The following SFPQ variants were observed in gnomAD, a reference collection of about 807,000 sequenced individuals.
SFPQ encodes splicing factor, proline- and glutamine-rich.
SFPQ carries 11 observed loss-of-function variants against 72.9 expected under a neutral mutation model. The ratio of observed to expected loss-of-function variants is 0.15; its 90% CI spans 0.09 to 0.25. The LOEUF (loss-of-function observed/expected upper bound fraction) is 0.25, where lower values mean the gene tolerates loss of function less well. Among genes scored for constraint, SFPQ ranks in the 10% least tolerant of loss-of-function variants. The pLI, the probability that SFPQ is intolerant of heterozygous loss-of-function variation, is 1.00. For missense variants in SFPQ, 847 were observed against 993.3 expected (o/e 0.85, Z 1.98); for synonymous variants, 506 against 367.3 (o/e 1.38, Z -4.32).
downstream of SFPQ, chr1:35,179,317 G>A: frequency 2.8e-6 from 3 of 1,058,978 alleles, no homozygotes; most frequent in South Asian, 9.1e-5. Context: ...GGAAAAGTGA[G>A]ACTATTATGC....
Position 35,183,610 on chromosome 1 carries a change from A to AC in SFPQ, c.*845dup. On this transcript the variant is annotated 3_prime_UTR_variant, in exon 10 of 10. Transcript: ENST00000357214. Reference sequence around the variant, plus strand: ...AATACATGAAAAGACTTCATGTTTAACATCTTTAATTCAAATGTAAAAGTT... The same window carrying AC: ...AATACATGAAAAGACTTCATGTTTAACCATCTTTAATTCAAATGTAAAAGTT... 6 of 1,028,784 alleles carry AC rather than the reference A, an allele frequency of 5.8e-6. No individual in the cohort carries two copies. The highest frequency in any genetic ancestry group is 5.8e-6 in the Non-Finnish European group (5 of 855,748). The allele number at this position is 1,028,784 out of a possible 1,614,324, so 63.7% of individuals were successfully genotyped here.
downstream of SFPQ, chr1:35,181,362 T>C (rs1639456791): frequency 9.4e-7 from 1 of 1,064,976 alleles, no homozygotes; most frequent in Non-Finnish European, 1.1e-6. Context: ...AAAAGCCAAG[T>C]ATCTAAATTT....
In SFPQ at chr1:35,188,995, A is replaced by C. The variant is rs1235215069; in HGVS notation, c.1697+8T>G. 6.2e-7 allele frequency: 1 copy of C among 1,605,826 alleles called. No homozygotes were observed. The highest frequency in any genetic ancestry group is 1.3e-5 in the African/African-American group (1 of 74,804). On this transcript the variant is annotated splice_region_variant and intron_variant, in intron 6 of 9. Coordinates refer to ENST00000357214, the MANE Select transcript of SFPQ (RefSeq NM_005066.3). ...AAATGAAGGCTTAAACCTTAAACAC[A>C]ATTTTACCTCAATTGCATTTCTTTA...
At chr1:35,181,346 C>T, downstream of SFPQ, 1 of 1,065,176 alleles carries the variant, frequency 9.4e-7, no homozygotes, top group Non-Finnish European at 1.1e-6. Context: ...TAGTGGCTTG[C>T]CCAAGAAAAG....
downstream of SFPQ, chr1:35,182,143 A>C (rs943324610): frequency 1.0e-6 from 1 of 985,310 alleles, no homozygotes; most frequent in Non-Finnish European, 1.2e-6. Flanking sequence ...TTTTATAGGC[A>C]GATTTTCCCA....
At chr1:35,180,684 A>C, downstream of SFPQ, 1 of 1,055,898 alleles carries the variant, frequency 9.5e-7, no homozygotes, top group Non-Finnish European at 1.1e-6. Context: ...TAGAATTACC[A>C]AGATTGCATA....
At chr1:35,187,546 C>A (rs1028584632) in intron 7 of SFPQ, among the ~76,000 whole-genome samples, 1 of 152,148 alleles carries the variant, frequency 6.6e-6, no homozygotes, top group Non-Finnish European at 1.5e-5. Context: ...GCCTGGCCAA[C>A]AAGGCGAAAC....
rs1172089111 is a variant in SFPQ at position 35,183,954 on chromosome 1, T to C, written c.*502A>G. ...CTACTTCAATATGCATTTCTTCTTT[T>C]TAAAACAAAGGGGGCAATTATTTGT... On this transcript the variant is annotated 3_prime_UTR_variant, in exon 10 of 10. Transcript: ENST00000357214. The C allele has an allele frequency of 9.5e-7, 1 of 1,051,002 alleles. No homozygotes were observed. Among genetic ancestry groups the C allele is most frequent in the Admixed American group, 5.5e-5 (1 of 18,216 alleles). 65.1% of individuals were successfully genotyped at this position (1,051,002 alleles called of 1,614,324 possible). A position where few individuals can be genotyped will look rare whatever the true frequency, so the allele number is the denominator to read the frequency against.
downstream of SFPQ, chr1:35,179,108 A>C (rs1639364682): frequency 1.9e-6 from 2 of 1,057,796 alleles, no homozygotes; most frequent in African/African-American, 1.6e-5. Flanking sequence ...CTAAAACATT[A>C]TCAGCTAAAG....
chr1:35,176,779 CAGG>C (rs554601827), intron 5 of SFPQ, among the ~76,000 whole-genome samples: 289 of 150,702 alleles, frequency 1.9e-3, no homozygotes, highest in African/African-American at 6.1e-3. Context: ...GAGGCTGAGG[CAGG>C]AGAATGGCGT....
chr1:35,186,899 G>A (rs937362760), intron 9 of SFPQ, 102 bp downstream of exon 9: 17 of 1,158,296 alleles, frequency 1.5e-5, no homozygotes, highest in Non-Finnish European at 1.8e-5. Flanking sequence ...AACTAAAAGA[G>A]GTCCAGTCAC....
downstream of SFPQ, chr1:35,178,896 A>T (rs1639355213): frequency 2.9e-6 from 3 of 1,052,180 alleles, no homozygotes; most frequent in Admixed American, 5.5e-5. Context: ...AAAAAAAAAA[A>T]AAAAATATTT....
rs992817384 is a variant in SFPQ at position 35,193,119 on chromosome 1, T to C, written c.-70A>G. ...CAGGAAACGTGGAGGCCACCTTGCT[T>C]CTCACAAAATGGCGGATGACACAGG... On this transcript the variant is annotated 5_prime_UTR_variant, in exon 1 of 10. Transcript: ENST00000357214. 6.7e-6 allele frequency: 10 copies of C among 1,485,884 alleles called. No homozygotes were observed. The highest frequency in any genetic ancestry group is 5.2e-5 in the South Asian group (4 of 76,736). The allele number at this position is 1,485,884 out of a possible 1,614,324, so 92.0% of individuals were successfully genotyped here.
At chr1:35,182,166 C>T, downstream of SFPQ, 3 of 985,230 alleles carry the variant, frequency 3.0e-6, no homozygotes, top group Non-Finnish European at 3.6e-6. Context: ...TCCCGACCAG[C>T]CCCCACCCAC....
At chr1:35,182,696 T>C, downstream of SFPQ, 2 of 985,392 alleles carry the variant, frequency 2.0e-6, no homozygotes, top group Non-Finnish European at 2.4e-6. Context: ...GGAAGACACA[T>C]TCCATAGTAA....
At position 35,184,223 on chromosome 1, in the gene SFPQ, A is replaced by C; in HGVS notation, c.*233T>G. On this transcript the variant is annotated 3_prime_UTR_variant, in exon 10 of 10. Coordinates refer to ENST00000357214, the MANE Select transcript of SFPQ (RefSeq NM_005066.3). ...GTACACTGCCATAAACTTGAGGGACATTATACAGTAAAAAAGAAAAAATAA... is the reference window on the plus strand; with the variant it reads ...GTACACTGCCATAAACTTGAGGGACCTTATACAGTAAAAAAGAAAAAATAA... 7.8e-7 allele frequency: 1 copy of C among 1,288,476 alleles called. No homozygotes were observed. 79.8% of individuals were successfully genotyped at this position (1,288,476 alleles called of 1,614,324 possible). A position where few individuals can be genotyped will look rare whatever the true frequency, so the allele number is the denominator to read the frequency against.
At chr1:35,178,389 C>A (rs959799597), downstream of SFPQ, 1 of 1,064,556 alleles carries the variant, frequency 9.4e-7, no homozygotes, top group Non-Finnish European at 1.1e-6. Context: ...GTTTTAACAT[C>A]AGCTCTTTTT....
At chr1:35,180,669 A>G (rs1036291468), downstream of SFPQ, 4 of 1,055,036 alleles carry the variant, frequency 3.8e-6, no homozygotes, top group Non-Finnish European at 4.6e-6. Flanking sequence ...GTTCAACTCA[A>G]CTTGTAGAAT....
chr1:35,184,495 T>C lies in SFPQ; in HGVS notation c.2085A>G (p.Arg695=), dbSNP rs201922932. The change falls in exon 10 of 10, where the codon AGA becomes AGG. Residue 695 remains arginine, a synonymous_variant. Coordinates refer to ENST00000357214, the MANE Select transcript of SFPQ (RefSeq NM_005066.3). ...PGTPAGYGRG[R]EEYEGPNKKP... is the part of the protein sequence containing the mutation. Reference sequence around the variant, plus strand: ...TTTTGTTTGGGCCTTCGTACTCTTCTCTCCCTCTACCATATCCTGCTGGAG... The same window carrying C: ...TTTTGTTTGGGCCTTCGTACTCTTCCCTCCCTCTACCATATCCTGCTGGAG... 1.2e-6 allele frequency: 2 copies of C among 1,612,894 alleles called. No homozygotes were observed. Among genetic ancestry groups the C allele is most frequent in the East Asian group, 4.5e-5 (2 of 44,768 alleles).
Sources: gnomAD v4.1 joint callset for allele counts (sites outside exome capture counted in the v4.1 genomes callset) on GRCh38, gnomAD v4.1.1 for gene constraint, MANE v1.5 for transcripts, NCBI Gene and HGNC (gene_info 2026-07-23, HGNC 2026-07-21) for gene names.